Variants in DIS3L2 observed in about 807,000 individuals in gnomAD.
DIS3L2 encodes the protein DIS3 like 3'-5' exoribonuclease 2.
A neutral mutation model predicts 97.5 loss-of-function variants in DIS3L2; 34 were observed. The observed-to-expected ratio is 0.35, with a 90% CI of 0.27 to 0.46. DIS3L2 has a LOEUF of 0.46. Among genes scored for constraint, DIS3L2 ranks in the 20% least tolerant of loss-of-function variants. The probability of loss-of-function intolerance (pLI) is 1.00; values close to 1 mark genes in which losing one functional copy is unlikely to be tolerated. For missense variants in DIS3L2, 1,038 were observed against 1,146.0 expected, an observed-to-expected ratio of 0.91 and a Z score of 1.36; for synonymous variants, 435 against 445.2, an observed-to-expected ratio of 0.98 and a Z score of 0.29.
intron 8 of DIS3L2, among the ~76,000 whole-genome samples, chr2:232,143,967 G>A (rs1436014523): frequency 4.0e-5 from 6 of 151,814 alleles, no homozygotes; most frequent in African/African-American, 7.3e-5. Flanking sequence ...ACAAAATACC[G>A]TGTTATATAT....
At chr2:232,129,107 A>G (rs1430409442) in intron 6 of DIS3L2, among the ~76,000 whole-genome samples, 1 of 152,196 alleles carries the variant, frequency 6.6e-6, no homozygotes, top group Non-Finnish European at 1.5e-5. Flanking sequence ...CTGAGGTAAC[A>G]GTCATTTGAA....
intron 14 of DIS3L2, among the ~76,000 whole-genome samples, chr2:232,318,886 T>C (rs1056800154): frequency 7.2e-5 from 11 of 152,180 alleles, no homozygotes; most frequent in Non-Finnish European, 1.5e-4. Context: ...AGAAGGAGAA[T>C]GGCTCTTCTT....
intron 9 of DIS3L2, among the ~76,000 whole-genome samples, chr2:232,202,645 G>A (rs1240201102): frequency 2.0e-5 from 3 of 152,216 alleles, no homozygotes; most frequent in Admixed American, 1.3e-4. Flanking sequence ...AAAAGGGCCT[G>A]CCCACAGTGC....
Position 232,128,451 on chromosome 2 carries a change from A to ATTTTTTTT in DIS3L2, c.602-2147_602-2140dup, listed in dbSNP as rs10682281. 3.6e-4 allele frequency among the ~76,000 whole-genome samples: 26 copies of ATTTTTTTT among 71,694 alleles called. 1 individual carries two copies. Among genetic ancestry groups the ATTTTTTTT allele is most frequent in the East Asian group, 2.1e-3 (4 of 1,880 alleles). 47.0% of individuals were successfully genotyped at this position (71,694 alleles called of 152,430 possible). ...TCTCATTAAATTGACAACTTTGCTA[A>ATTTTTTTT]TTTTTTTTTTTTTTTTTTTTTTTTT... On this transcript the variant is annotated intron_variant, in intron 6 of 20. Transcript: ENST00000325385.
chr2:232,212,612 A>G (rs1165294922), intron 10 of DIS3L2, among the ~76,000 whole-genome samples: 1 of 152,226 alleles, frequency 6.6e-6, no homozygotes, highest in Non-Finnish European at 1.5e-5. Context: ...TTCAGACCAA[A>G]TAGTGTTTTT....
chr2:232,330,636 GTC>G (rs1695707620), intron 15 of DIS3L2, 52 bp from the exon 16 acceptor site: 6 of 1,581,534 alleles, frequency 3.8e-6, no homozygotes, highest in South Asian at 3.3e-5. Context: ...AGGGCCCAGA[GTC>G]TCTGCCCGAG....
chr2:232,201,905 G>C lies in DIS3L2; in HGVS notation c.1125-8421G>C, dbSNP rs372685012. Among the ~76,000 whole-genome samples the C allele has an allele frequency of 7.9e-5, 12 of 152,170 alleles. No individual in the cohort carries two copies. In the South Asian group the frequency reaches 1.0e-3, roughly 13 times the overall value. ...TGAAATTTGATGAATCTTGATGAAG[G>C]GTATATGGATGTTCATTTTACTATT... On this transcript the variant is annotated intron_variant, in intron 9 of 20. Transcript: ENST00000325385.
rs188063505 is a variant in DIS3L2, at chr2:232,036,290, T to C, written c.366+6210T>C. 4.1e-4 allele frequency among the ~76,000 whole-genome samples: 63 copies of C among 152,364 alleles called. No individual in the cohort carries two copies. The East Asian group carries it at 0.011, about 27-fold the overall frequency. On this transcript the variant is annotated intron_variant, in intron 5 of 20. Coordinates refer to ENST00000325385, the MANE Select transcript of DIS3L2 (RefSeq NM_152383.5). ...AGTTGATCTTCAGTCCCTGATATCC[T>C]TTCTTCTACTCGATCAATTCATCTA...
intron 5 of DIS3L2, among the ~76,000 whole-genome samples, chr2:232,049,755 G>T (rs1344496537): frequency 1.3e-5 from 2 of 152,066 alleles, no homozygotes; most frequent in Non-Finnish European, 2.9e-5. Flanking sequence ...TTGATATTTT[G>T]AATGTTGGTT....
In DIS3L2 at chr2:232,238,592, G is replaced by A; in HGVS notation, c.1264G>A (p.Asp422Asn). 6.2e-7 allele frequency: 1 copy of A among 1,614,236 alleles called. No individual in the cohort carries two copies. Among genetic ancestry groups the A allele is most frequent in the South Asian group, 1.1e-5 (1 of 91,074 alleles). The change falls in exon 11 of 21, where the codon GAT (aspartate) becomes AAT (asparagine). Residue 422 changes from aspartate (D) to asparagine (N), a missense_variant. Coordinates refer to ENST00000325385, the MANE Select transcript of DIS3L2 (RefSeq NM_152383.5). ...GAGTTACTTTGTTCCGGAGGGATCT[G>A]ATCTGGATAAAGTGGCTGCCGAGAG... ...DVSYFVPEGS[D>N]LDKVAAERAT... is the part of the protein sequence containing the mutation.
intron 9 of DIS3L2, among the ~76,000 whole-genome samples, chr2:232,196,246 G>A (rs186406795): frequency 7.9e-5 from 12 of 152,244 alleles, no homozygotes; most frequent in East Asian, 3.9e-4. Context: ...GATTACAGGC[G>A]TGAACCAATG....
chr2:231,976,318 C>T (rs1020103588), intron 1 of DIS3L2, among the ~76,000 whole-genome samples: 1 of 152,048 alleles, frequency 6.6e-6, no homozygotes, highest in African/African-American at 2.4e-5. Flanking sequence ...TTCCAATAAA[C>T]CCATCATAAG....
chr2:232,239,048 G>T (rs1356390790), intron 11 of DIS3L2, among the ~76,000 whole-genome samples: 1 of 152,134 alleles, frequency 6.6e-6, no homozygotes. Flanking sequence ...TTCAACCCCT[G>T]TTCTAAAAGG....
intron 6 of DIS3L2, among the ~76,000 whole-genome samples, chr2:232,116,833 GAACAAC>G (rs67570957): frequency 4.0e-5 from 6 of 151,360 alleles, no homozygotes; most frequent in South Asian, 4.2e-4. Flanking sequence ...CAAACAAAAA[GAACAAC>G]AACAACAACA....
chr2:232,242,895 C>A (rs902034732), intron 11 of DIS3L2, among the ~76,000 whole-genome samples: 1 of 152,196 alleles, frequency 6.6e-6, no homozygotes, highest in Non-Finnish European at 1.5e-5. Flanking sequence ...GCCTGAAGTG[C>A]TTATCAGTCT....
chr2:232,107,905 A>G (rs540902182), intron 6 of DIS3L2, among the ~76,000 whole-genome samples: 1 of 152,160 alleles, frequency 6.6e-6, no homozygotes, highest in Non-Finnish European at 1.5e-5. Context: ...TGAGGCAGTA[A>G]TAACCTACCA....
intron 6 of DIS3L2, among the ~76,000 whole-genome samples, chr2:232,093,652 C>G (rs1186695745): frequency 3.3e-5 from 5 of 152,018 alleles, no homozygotes; most frequent in African/African-American, 1.2e-4. Context: ...CAATTTCCTA[C>G]ATTTTCCAAT....
At chr2:232,004,081 GT>G (rs563786610) in intron 1 of DIS3L2, among the ~76,000 whole-genome samples, 1 of 114,642 alleles carries the variant, frequency 8.7e-6, no homozygotes. Context: ...TTATTTATTT[GT>G]TTTTTTTGGA....
chr2:232,076,269 C>T (rs1279454214), intron 5 of DIS3L2, among the ~76,000 whole-genome samples: 1 of 152,088 alleles, frequency 6.6e-6, no homozygotes, highest in Non-Finnish European at 1.5e-5. Context: ...TTCATGTGTA[C>T]CTGTCAGAAT....
Sources: allele counts gnomAD v4.1 joint callset (sites outside exome capture counted in the v4.1 genomes callset), GRCh38; gene constraint gnomAD v4.1.1; transcripts MANE v1.5; gene names NCBI Gene and HGNC (gene_info 2026-07-23, HGNC 2026-07-21).